The following BLTP3B variants were observed in gnomAD, a reference collection of about 807,000 sequenced individuals.
The protein encoded by BLTP3B is UHRF1 (ICBP90) binding protein 1-like.
the BLTP3B span, chr12:100,108,286 A>T: frequency 7.9e-7 from 1 of 1,259,332 alleles, no homozygotes; most frequent in Middle Eastern, 2.6e-4. Context: ...TTTTTACACA[A>T]TTATCTAAAA....
chr12:100,097,381 A>T, the BLTP3B span: 4 of 1,611,650 alleles, frequency 2.5e-6, no homozygotes, highest in Non-Finnish European at 3.4e-6. Context: ...TTTAAGTGTG[A>T]CTCTGATTTT....
the BLTP3B span, among the ~76,000 whole-genome samples, chr12:100,120,346 C>A: frequency 1.3e-5 from 2 of 152,018 alleles, no homozygotes; most frequent in South Asian, 4.2e-4. Context: ...GCACTCCAAC[C>A]TGGGTGACAG....
At chr12:100,058,161 C>T in the BLTP3B span, 2 of 1,613,336 alleles carry the variant, frequency 1.2e-6, no homozygotes, top group South Asian at 2.2e-5. Context: ...GGTTTCATTT[C>T]CTTTACTAGT....
chr12:100,128,724 C>G, the BLTP3B span: 14 of 1,286,726 alleles, frequency 1.1e-5, no homozygotes, highest in East Asian at 6.7e-4. Context: ...CAGCAGGGAA[C>G]GCTGCAGGGA....
chr12:100,080,947 T>C, the BLTP3B span, among the ~76,000 whole-genome samples: 354 of 152,266 alleles, frequency 2.3e-3, 2 homozygotes, highest in African/African-American at 7.2e-3. Context: ...TTGAAGGTGA[T>C]TGAATTATGG....
chr12:100,074,311 G>T, the BLTP3B span, among the ~76,000 whole-genome samples: 2 of 151,958 alleles, frequency 1.3e-5, no homozygotes, highest in African/African-American at 4.8e-5. Context: ...ATCTCTACAA[G>T]AACTGGGCCA....
chr12:100,121,354 G>GAAAA, the BLTP3B span, among the ~76,000 whole-genome samples: 6 of 97,126 alleles, frequency 6.2e-5, no homozygotes, highest in African/African-American at 1.1e-4. Flanking sequence ...CCATCTCATG[G>GAAAA]AAAAAAAAAA....
At chr12:100,054,871 C>A in the BLTP3B span, among the ~76,000 whole-genome samples, 1 of 152,042 alleles carries the variant, frequency 6.6e-6, no homozygotes, top group Admixed American at 6.6e-5. Context: ...GGACTAGATA[C>A]CTTATTTCTT....
At chr12:100,042,931 C>T in the BLTP3B span, among the ~76,000 whole-genome samples, 1 of 152,256 alleles carries the variant, frequency 6.6e-6, no homozygotes, top group East Asian at 1.9e-4. Flanking sequence ...TCCAGGGTAG[C>T]TCGGATTACA....
the BLTP3B span, chr12:100,142,842 G>C: frequency 1.6e-6 from 1 of 639,034 alleles, no homozygotes; most frequent in Non-Finnish European, 2.5e-6. Context: ...CGCCGCGGGC[G>C]CCATCTTGGC....
chr12:100,097,494 A>C, the BLTP3B span: 5 of 1,610,876 alleles, frequency 3.1e-6, no homozygotes, highest in Non-Finnish European at 4.2e-6. Flanking sequence ...TTATTTCTTT[A>C]AAAGTCAAAA....
At chr12:100,047,393 G>A in the BLTP3B span, 3 of 567,576 alleles carry the variant, frequency 5.3e-6, no homozygotes, top group Non-Finnish European at 9.3e-6. Context: ...AGCTACTCGG[G>A]AGGTTTAGGT....
At chr12:100,142,764 C>G in the BLTP3B span, 1 of 1,382,622 alleles carries the variant, frequency 7.2e-7, no homozygotes, top group Non-Finnish European at 9.6e-7. Context: ...CCGGGAGAGA[C>G]CCAAGGCCCC....
chr12:100,084,344 A>G, the BLTP3B span: 1 of 955,388 alleles, frequency 1.0e-6, no homozygotes, highest in Non-Finnish European at 1.5e-6. Context: ...TAAAAAGAAG[A>G]AAAAAAAATA....
chr12:100,046,281 G>A, the BLTP3B span, among the ~76,000 whole-genome samples: 2 of 152,086 alleles, frequency 1.3e-5, no homozygotes, highest in African/African-American at 4.8e-5. Context: ...GCACACATAC[G>A]TTTATTGCAG....
chr12:100,122,898 A>G, the BLTP3B span, among the ~76,000 whole-genome samples: 2 of 152,142 alleles, frequency 1.3e-5, no homozygotes, highest in African/African-American at 4.8e-5. Context: ...CCCTGAGAAC[A>G]GTTGGACATG....
the BLTP3B span, chr12:100,047,625 C>T: frequency 1.6e-5 from 25 of 1,608,604 alleles, no homozygotes; most frequent in South Asian, 7.7e-5. Context: ...TGTACTACTC[C>T]GGGGACTATC....
the BLTP3B span, among the ~76,000 whole-genome samples, chr12:100,050,661 A>G: frequency 1.3e-5 from 2 of 152,142 alleles, no homozygotes; most frequent in East Asian, 3.8e-4. Flanking sequence ...AAAAAATTTA[A>G]AACAGCCAGG....
At chr12:100,071,364 G>A in the BLTP3B span, among the ~76,000 whole-genome samples, 4 of 151,976 alleles carry the variant, frequency 2.6e-5, no homozygotes, top group African/African-American at 9.7e-5. Flanking sequence ...GGGAGTGTTG[G>A]CACACACATG....
Sources: gnomAD v4.1 joint callset for allele counts (sites outside exome capture counted in the v4.1 genomes callset) on GRCh38, gnomAD v4.1.1 for gene constraint, MANE v1.5 for transcripts, NCBI Gene and HGNC (gene_info 2026-07-23, HGNC 2026-07-21) for gene names.